CAMTA1: variants seen among roughly 807,000 people sequenced by gnomAD.
CAMTA1 encodes calmodulin binding transcription activator 1, also known as calmodulin-binding transcription activator 1.
A neutral mutation model predicts 170.9 loss-of-function variants in CAMTA1; 27 were observed. That is an observed-to-expected ratio of 0.16 (90% CI 0.12 to 0.22). CAMTA1 has a LOEUF of 0.22. Among genes scored for constraint, CAMTA1 ranks in the 10% least tolerant of loss-of-function variants. The pLI is 1.00. For synonymous variants in CAMTA1, 833 were observed against 891.5 expected (o/e 0.93, Z 1.17); for missense variants, 1,619 against 2,217.2 (o/e 0.73, Z 5.42).
chr1:7,706,066 C>G (rs2096521867), intron 11 of CAMTA1, among the ~76,000 whole-genome samples: 1 of 152,204 alleles, frequency 6.6e-6, no homozygotes, highest in South Asian at 2.1e-4. Flanking sequence ...CTCTACAAAT[C>G]AGGTATCAGA....
intron 11 of CAMTA1, among the ~76,000 whole-genome samples, chr1:7,713,898 A>AT (rs1475579203): frequency 2.0e-5 from 3 of 152,198 alleles, no homozygotes; most frequent in Non-Finnish European, 4.4e-5. Flanking sequence ...TCTTATCTGT[A>AT]TATTTCATAT....
intron 12 of CAMTA1, among the ~76,000 whole-genome samples, chr1:7,734,341 C>T (rs181484481): frequency 9.2e-5 from 14 of 152,292 alleles, no homozygotes; most frequent in Non-Finnish European, 1.3e-4. Flanking sequence ...CTTTCACCAA[C>T]AAAAGTGGCA....
chr1:7,100,068 C>G (rs893114554), intron 4 of CAMTA1, among the ~76,000 whole-genome samples: 2 of 152,170 alleles, frequency 1.3e-5, no homozygotes, highest in Non-Finnish European at 2.9e-5. Flanking sequence ...CTTCCCACCC[C>G]ATTCCTAACT....
chr1:7,492,957 TTACA>T (rs953318872), intron 6 of CAMTA1, among the ~76,000 whole-genome samples: 52 of 85,472 alleles, frequency 6.1e-4, no homozygotes, highest in African/African-American at 8.2e-4. Flanking sequence ...AAACACAGAC[TTACA>T]TACACATGCG....
At chr1:6,844,308 G>A (rs1261650510) in intron 3 of CAMTA1, among the ~76,000 whole-genome samples, 2 of 152,196 alleles carry the variant, frequency 1.3e-5, no homozygotes, top group African/African-American at 2.4e-5. Flanking sequence ...TGATACACAT[G>A]CACACATACA....
chr1:6,790,384 G>C (rs1242608016), intron 1 of CAMTA1, among the ~76,000 whole-genome samples: 1 of 151,186 alleles, frequency 6.6e-6, no homozygotes, highest in Non-Finnish European at 1.5e-5. Flanking sequence ...GAGTGTGTGT[G>C]TGTGTGTGTG....
intron 1 of CAMTA1, among the ~76,000 whole-genome samples, chr1:6,800,052 C>T (rs1011168162): frequency 2.6e-4 from 39 of 152,156 alleles, no homozygotes; most frequent in Admixed American, 2.4e-3. Context: ...TATCTCCTTT[C>T]TGAGGTACAT....
intron 3 of CAMTA1, among the ~76,000 whole-genome samples, chr1:6,940,046 G>C (rs1686171965): frequency 6.6e-6 from 1 of 152,280 alleles, no homozygotes; most frequent in African/African-American, 2.4e-5. Context: ...CCGTGTCTAA[G>C]CAGAAGTGTG....
chr1:7,103,852 A>AT (rs1643178058), intron 4 of CAMTA1, among the ~76,000 whole-genome samples: 1 of 35,148 alleles, frequency 2.8e-5, no homozygotes, highest in Non-Finnish European at 5.6e-5. Context: ...ATGTACACAC[A>AT]ACACACATAC....
chr1:7,020,285 A>G (rs1701156533), intron 3 of CAMTA1, among the ~76,000 whole-genome samples: 1 of 152,204 alleles, frequency 6.6e-6, no homozygotes, highest in Non-Finnish European at 1.5e-5. Flanking sequence ...TTTTTACTAT[A>G]TCTTTTCTAT....
chr1:7,139,253 TA>T, intron 4 of CAMTA1, among the ~76,000 whole-genome samples: 1 of 144,086 alleles, frequency 6.9e-6, no homozygotes, highest in South Asian at 2.1e-4. Flanking sequence ...TTTATAATTA[TA>T]AAATTATATT....
chr1:7,162,173 T>C (rs1647331794), intron 4 of CAMTA1, among the ~76,000 whole-genome samples: 1 of 152,100 alleles, frequency 6.6e-6, no homozygotes, highest in African/African-American at 2.4e-5. Context: ...AGCAGGGAGC[T>C]GTCAGGTCCC....
At chr1:7,215,465 C>G (rs1225366461) in intron 4 of CAMTA1, among the ~76,000 whole-genome samples, 1 of 152,240 alleles carries the variant, frequency 6.6e-6, no homozygotes, top group African/African-American at 2.4e-5. Flanking sequence ...GCGATCTCAG[C>G]CCACTGCAAC....
chr1:7,143,377 A>G (rs1645998214), intron 4 of CAMTA1, among the ~76,000 whole-genome samples: 1 of 152,228 alleles, frequency 6.6e-6, no homozygotes, highest in Admixed American at 6.5e-5. Flanking sequence ...TCCTTGAGAC[A>G]CTTTGGAATG....
chr1:7,140,278 A>G (rs1470732447), intron 4 of CAMTA1, among the ~76,000 whole-genome samples: 2 of 152,194 alleles, frequency 1.3e-5, no homozygotes, highest in Non-Finnish European at 2.9e-5. Context: ...TGCATTTTTA[A>G]TTGCAGAAAA....
At chr1:7,066,092 G>A (rs1221813134) in intron 3 of CAMTA1, among the ~76,000 whole-genome samples, 1 of 152,206 alleles carries the variant, frequency 6.6e-6, no homozygotes, top group African/African-American at 2.4e-5. Context: ...ACCTGTTTAT[G>A]TCCTAATTGC....
At chr1:7,133,281 G>T (rs947095420) in intron 4 of CAMTA1, among the ~76,000 whole-genome samples, 1 of 152,038 alleles carries the variant, frequency 6.6e-6, no homozygotes. Flanking sequence ...GGTCTATTTA[G>T]GCTATCTAAG....
chr1:6,822,294 AAC>A (rs568054008), intron 2 of CAMTA1, among the ~76,000 whole-genome samples: 4 of 152,320 alleles, frequency 2.6e-5, no homozygotes, highest in African/African-American at 9.6e-5. Flanking sequence ...TTAATTTAAA[AAC>A]AGATTTTTAT....
At chr1:7,231,350 T>TGTGAGAGAGA (rs112268253) in intron 4 of CAMTA1, among the ~76,000 whole-genome samples, 22 of 141,194 alleles carry the variant, frequency 1.6e-4, no homozygotes, top group African/African-American at 5.9e-4. Flanking sequence ...TGTGTGTGTG[T>TGTGAGAGAGA]GAGAGAGAGA....
Sources: allele counts gnomAD v4.1 joint callset (sites outside exome capture counted in the v4.1 genomes callset), GRCh38; gene constraint gnomAD v4.1.1; transcripts MANE v1.5; gene names NCBI Gene and HGNC (gene_info 2026-07-23, HGNC 2026-07-21).